Variants in QTRT1 observed in about 807,000 individuals in gnomAD.
QTRT1 encodes the protein TGT, 43-KD subunit.
A neutral mutation model predicts 44.0 loss-of-function variants in QTRT1; 41 were observed. The ratio of observed to expected loss-of-function variants is 0.93; its 90% CI spans 0.73 to 1.21. The LOEUF is 1.21. Ranked by LOEUF, QTRT1 falls within the 50% of genes most tolerant of loss-of-function variation. The pLI is 0.00. For missense variants in QTRT1, 542 were observed against 575.8 expected (o/e 0.94, Z 0.60); for synonymous variants, 226 against 237.1 (o/e 0.95, Z 0.43).
intron 3 of QTRT1, 109 bp from the exon 4 acceptor site, chr19:10,707,193 G>A: frequency 9.2e-7 from 1 of 1,082,338 alleles, no homozygotes; most frequent in South Asian, 1.3e-5. Context: ...TAGCAAGACG[G>A]GGGATGGGGG....
chr19:10,709,877 G>T (rs997853798), intron 5 of QTRT1, among the ~76,000 whole-genome samples: 22 of 152,046 alleles, frequency 1.4e-4, no homozygotes, highest in African/African-American at 5.3e-4. Context: ...CAGGCATGGT[G>T]GTGGGCACCT....
chr19:10,707,256 AG>A (rs756215156), intron 3 of QTRT1, 45 bp from the exon 4 acceptor site: 1 of 1,597,970 alleles, frequency 6.3e-7, no homozygotes, highest in African/African-American at 1.3e-5. Context: ...GCTTTCCCCA[AG>A]CATTGCGGGC....
chr19:10,708,587 C>G (rs998834194), intron 5 of QTRT1, among the ~76,000 whole-genome samples: 1 of 152,016 alleles, frequency 6.6e-6, no homozygotes, highest in Non-Finnish European at 1.5e-5. Context: ...CTTACCTGCC[C>G]CAGCACAAAC....
rs758243489 is a variant in QTRT1, at chr19:10,701,523, C to G, written c.63C>G (p.Ala21=). 5 of 1,594,024 alleles carry G rather than the reference C, an allele frequency of 3.1e-6. No individual in the cohort carries two copies. Among genetic ancestry groups the G allele is most frequent in the Non-Finnish European group, 4.3e-6 (5 of 1,168,786 alleles). The change falls in exon 1 of 10, where the codon GCC becomes GCG. Residue 21 remains alanine, a synonymous_variant. Transcript: ENST00000250237. ...CCCCACGGATCATGCGGCTGGTGGC[C>G]GAATGCAGCCGCTCCAGGGCCCGGG... The part of the protein sequence containing the change: ...ESAPRIMRLV[A]ECSRSRARAG...
intron 5 of QTRT1, chr19:10,711,148 T>TA (rs2068737098): frequency 6.6e-6 from 1 of 152,392 alleles, no homozygotes. Flanking sequence ...GATGACAGGC[T>TA]ATTGGGTGTT....
chr19:10,703,473 T>C (rs1171678224), intron 3 of QTRT1, among the ~76,000 whole-genome samples: 1 of 152,138 alleles, frequency 6.6e-6, no homozygotes. Flanking sequence ...TTTTTTCTTC[T>C]TAGATTCATG....
intron 1 of QTRT1, 38 bp downstream of exon 1, chr19:10,701,741 G>T: frequency 6.4e-7 from 1 of 1,556,888 alleles, no homozygotes; most frequent in Non-Finnish European, 8.7e-7. Flanking sequence ...GCGGCGAGGC[G>T]GCGAGGCGTG....
At position 10,712,191 on chromosome 19, in the gene QTRT1, C is replaced by T; in HGVS notation, c.677C>T (p.Ala226Val). ...ACCAAGCGAGACGTGCCTGGCTTCG[C>T]CATCGGGGGCCTGAGCGGGGGTGAG... ...EMTKRDVPGFAIGGLSGGESK... is the reference protein window; with the variant it reads ...EMTKRDVPGFVIGGLSGGESK... The change falls in exon 6 of 10, where the codon GCC becomes GTC. Residue 226 changes from alanine to valine, a missense_variant. By Grantham distance (64) the Ala-to-Val change is moderately conservative. Transcript: ENST00000250237. This position sits in a 1 kb window ranked among gnomAD's most constrained non-coding sequence, Gnocchi z 5.6. 1 of 1,613,672 alleles carries T rather than the reference C, an allele frequency of 6.2e-7. No individual in the cohort carries two copies. The highest frequency in any genetic ancestry group is 8.5e-7 in the Non-Finnish European group (1 of 1,180,046).
At position 10,710,537 on chromosome 19, in the gene QTRT1, G is replaced by A. The variant is rs537789282; in HGVS notation, c.647-1624G>A. Among the ~76,000 whole-genome samples, 10 of 152,110 alleles carry A rather than the reference G, an allele frequency of 6.6e-5. No individual in the cohort carries two copies. The East Asian group carries it at 1.8e-3, about 27-fold the overall frequency. ...TCACCATGTTGGCCAGGCTGGTCTC[G>A]AACTCCTGACCTCGTGATCCACCTG... On this transcript the variant is annotated intron_variant, in intron 5 of 9. Transcript: ENST00000250237.
intron 5 of QTRT1, among the ~76,000 whole-genome samples, chr19:10,709,622 C>A (rs554935832): frequency 6.6e-6 from 1 of 151,644 alleles, no homozygotes; most frequent in South Asian, 2.1e-4. Context: ...CTGAGGCGGG[C>A]AAATCATTGA....
chr19:10,703,320 G>A (rs895797711), intron 3 of QTRT1, among the ~76,000 whole-genome samples: 1 of 150,808 alleles, frequency 6.6e-6, no homozygotes, highest in Non-Finnish European at 1.5e-5. Context: ...CTTCGGCCTC[G>A]CAGAGTGCTG....
rs1190846141 is a variant in QTRT1 at position 10,712,087 on chromosome 19, G to T, written c.647-74G>T. The stretch of plus-strand genomic sequence containing the variant: ...TCCCTGAGCGACTCTGGAAGTCTGG[G>T]CAGGGTGTGTTCTGGGATTGAAGAC... On this transcript the variant is annotated intron_variant, in intron 5 of 9. Transcript: ENST00000250237. The surrounding 1 kb of genome is among the most constrained non-coding windows in gnomAD (Gnocchi z 5.6). The T allele has an allele frequency of 1.9e-6, 3 of 1,585,342 alleles. No individual in the cohort carries two copies. In the Admixed American group the frequency reaches 5.0e-5, roughly 26 times the overall value.
rs1346927678 is a variant in QTRT1 at position 10,706,519 on chromosome 19, T to C, written c.452-783T>C. Among the ~76,000 whole-genome samples the C allele has an allele frequency of 7.2e-5, 11 of 151,880 alleles. No individual in the cohort carries two copies. The East Asian group carries it at 1.9e-3, about 27-fold the overall frequency. On this transcript the variant is annotated intron_variant, in intron 3 of 9. Coordinates refer to ENST00000250237, the MANE Select transcript of QTRT1 (RefSeq NM_031209.3). Reference sequence around the variant, plus strand: ...TCTTGAGTAGCTGGGATTACAGGAATATACCACCACGCCCGGCTAATTTTT... The same window carrying C: ...TCTTGAGTAGCTGGGATTACAGGAACATACCACCACGCCCGGCTAATTTTT...
At chr19:10,702,918 C>T (rs539339451) in intron 3 of QTRT1, among the ~76,000 whole-genome samples, 3 of 147,674 alleles carry the variant, frequency 2.0e-5, no homozygotes, top group Admixed American at 1.4e-4. Context: ...TACAGGTGTG[C>T]GCCACCACAC....
chr19:10,702,068 G>A (rs781486631), intron 2 of QTRT1, 48 bp from the exon 3 acceptor site: 1 of 1,614,110 alleles, frequency 6.2e-7, no homozygotes, highest in Admixed American at 1.7e-5. Flanking sequence ...TGGAGTGAAG[G>A]GTCCCCATCT....
At chr19:10,707,281 T>C (rs1374105974) in intron 3 of QTRT1, 21 bp from the exon 4 acceptor site, 2 of 1,612,926 alleles carry the variant, frequency 1.2e-6, no homozygotes, top group African/African-American at 2.7e-5. Flanking sequence ...CCCAGTGATG[T>C]TGCCCCCATC....
At position 10,712,738 on chromosome 19, in the gene QTRT1, C is replaced by T. The variant is rs1475569871; in HGVS notation, c.862-20C>T. ...GAAGCCCTGGGTGACGCCCCTTTCCCTGCCCTTCCTCTCCCACAGCGCTTT... is the reference window on the plus strand; with the variant it reads ...GAAGCCCTGGGTGACGCCCCTTTCCTTGCCCTTCCTCTCCCACAGCGCTTT... On this transcript the variant is annotated intron_variant, in intron 7 of 9. Coordinates refer to ENST00000250237, the MANE Select transcript of QTRT1 (RefSeq NM_031209.3). The surrounding 1 kb of genome is among the most constrained non-coding windows in gnomAD (Gnocchi z 5.6). The T allele has an allele frequency of 6.2e-7, 1 of 1,609,300 alleles. No individual in the cohort carries two copies. Among genetic ancestry groups the T allele is most frequent in the Non-Finnish European group, 8.5e-7 (1 of 1,175,832 alleles).
rs921139315 is a variant in QTRT1, at chr19:10,701,703, G to A, written c.243G>A (p.Pro81=). Residue 81 remains proline (P), a splice_region_variant and synonymous_variant, in exon 1 of 10, where the codon CCG becomes CCA. Transcript: ENST00000250237. ...LGNTYHLGLR[P]GPELIQKANG... is the part of the protein sequence containing the mutation. The stretch of plus-strand genomic sequence containing the variant: ...ATACCTACCATCTGGGTCTAAGGCC[G>A]GTGGGTGGGCTCTGCCCGCGCGGGG... 5 of 1,574,562 alleles carry A rather than the reference G, an allele frequency of 3.2e-6. No individual in the cohort carries two copies. In the African/African-American group the frequency reaches 5.4e-5, roughly 17 times the overall value.
Position 10,712,254 on chromosome 19 carries a change from C to T in QTRT1, c.740C>T (p.Thr247Ile). 3.1e-6 allele frequency: 5 copies of T among 1,614,050 alleles called. No individual in the cohort carries two copies. The East Asian group carries it at 1.1e-4, about 36-fold the overall frequency. The change falls in exon 6 of 10, where the codon ACC (threonine) becomes ATC (isoleucine). Residue 247 changes from threonine (T) to isoleucine (I), a missense_variant. Physicochemically the swap from Thr to Ile is moderately conservative, Grantham distance 89. Transcript: ENST00000250237. The surrounding 1 kb of genome is among the most constrained non-coding windows in gnomAD (Gnocchi z 5.6). Reference sequence around the variant, plus strand: ...TTCTGGCGGATGGTGGCGCTGAGCACCTCTCGGCTGCCGAAGGACAAGCCC... The same window carrying T: ...TTCTGGCGGATGGTGGCGCTGAGCATCTCTCGGCTGCCGAAGGACAAGCCC... ...SQFWRMVALS[T>I]SRLPKDKPRY...
Sources: allele counts gnomAD v4.1 joint callset (sites outside exome capture counted in the v4.1 genomes callset), GRCh38; gene constraint gnomAD v4.1.1; non-coding constraint Gnocchi (gnomAD v3.1); transcripts MANE v1.5; gene names NCBI Gene and HGNC (gene_info 2026-07-23, HGNC 2026-07-21).